Variants in PPM1F observed in about 807,000 individuals in gnomAD.
PPM1F encodes the protein protein phosphatase, Mg2+/Mn2+ dependent 1F, also known as protein phosphatase 1F.
Under a neutral mutation model 35.5 loss-of-function variants are expected in PPM1F, and 17 were observed. The observed-to-expected ratio is 0.48, with a 90% confidence interval of 0.33 to 0.72. The LOEUF is 0.72. PPM1F is among the 30% of genes least tolerant of loss of function. PPM1F has a pLI of 0.02. For missense variants in PPM1F, 521 were observed against 613.0 expected (o/e 0.85, Z 1.59); for synonymous variants, 241 against 255.5 (o/e 0.94, Z 0.54).
intron 6 of PPM1F, among the ~76,000 whole-genome samples, chr22:21,927,369 CCT>C (rs757985689): frequency 8.5e-5 from 13 of 152,262 alleles, no homozygotes; most frequent in Non-Finnish European, 1.8e-4. Flanking sequence ...CGCCTCCTCC[CCT>C]GTGCCTCAGA....
In PPM1F at chr22:21,923,484, A is replaced by T; in HGVS notation, c.986-13T>A. 2 of 1,588,104 alleles carry T rather than the reference A, an allele frequency of 1.3e-6. No homozygotes were observed. Among genetic ancestry groups the T allele is most frequent in the Non-Finnish European group, 1.7e-6 (2 of 1,162,784 alleles). ...TGGAAGACATCCCCTGGACAGGCGGAGAAGAGCCCGGGTCAGAGGACCACG... is the reference window on the plus strand; with the variant it reads ...TGGAAGACATCCCCTGGACAGGCGGTGAAGAGCCCGGGTCAGAGGACCACG... On this transcript the variant is annotated splice_polypyrimidine_tract_variant and intron_variant, in intron 7 of 7. Transcript: ENST00000263212.
At chr22:21,952,017 G>A (rs911970690) in intron 1 of PPM1F, 2 of 152,296 alleles carry the variant, frequency 1.3e-5, no homozygotes, top group Non-Finnish European at 2.9e-5. Context: ...ACTTGTCCCG[G>A]GGAATGCCAC....
At chr22:21,942,114 G>A (rs1321565656) in intron 2 of PPM1F, 3 of 152,348 alleles carry the variant, frequency 2.0e-5, no homozygotes, top group Non-Finnish European at 4.4e-5. Flanking sequence ...CATGCCTGGG[G>A]TGGCGAGGTG....
rs1309345235 is a variant in PPM1F at position 21,946,078 on chromosome 22, G to T, written c.-30C>A. On this transcript the variant is annotated 5_prime_UTR_variant, in exon 2 of 8. Transcript: ENST00000263212. ...AAAGCATCCCGGGGGCCTGCAGCTA[G>T]GCCAGGGCAAGAGGGTCTCCAGGCT... The T allele has an allele frequency of 6.7e-7, 1 of 1,489,246 alleles. No individual in the cohort carries two copies. Among genetic ancestry groups the T allele is most frequent in the Admixed American group, 2.3e-5 (1 of 43,038 alleles). 92.3% of individuals were successfully genotyped at this position (1,489,246 alleles called of 1,614,324 possible).
intron 3 of PPM1F, chr22:21,938,250 G>GCCC: frequency 7.7e-7 from 1 of 1,299,886 alleles, no homozygotes; most frequent in Non-Finnish European, 1.0e-6. Flanking sequence ...GACCCATCAG[G>GCCC]CGGGGAGGGC....
intron 1 of PPM1F, chr22:21,948,641 GC>G (rs1473398110): frequency 6.6e-6 from 1 of 152,322 alleles, no homozygotes; most frequent in Non-Finnish European, 1.5e-5. Context: ...ACGATGCAGA[GC>G]TGCCCCCAGC....
chr22:21,924,572 C>CTTT (rs767735875), intron 7 of PPM1F, among the ~76,000 whole-genome samples: 1 of 116,738 alleles, frequency 8.6e-6, no homozygotes, highest in South Asian at 2.9e-4. Context: ...CGCCCAGCTA[C>CTTT]TTTTTTTTTT....
chr22:21,938,699 C>T lies in PPM1F; in HGVS notation c.355+833G>A, dbSNP rs772900187. ...GGCCTGTCCAGGGACAACTATTCAG[C>T]TGGGTGGGACGTTGCTACCCCCTTG... On this transcript the variant is annotated intron_variant, in intron 3 of 7. Transcript: ENST00000263212. The T allele has an allele frequency of 1.7e-5, 12 of 721,306 alleles. 1 individual carries two copies. The highest frequency in any genetic ancestry group is 2.0e-5 in the Non-Finnish European group (12 of 585,918). The allele number at this position is 721,306 out of a possible 1,614,324, so 44.7% of individuals were successfully genotyped here.
Position 21,945,910 on chromosome 22 carries a change from T to C in PPM1F, c.139A>G (p.Thr47Ala), listed in dbSNP as rs1303308142. ...TCCACCTCCTCCTGGCTGAGCACCG[T>C]CCCTGGGGCCTTCCATGGCAGAGGG... Reference protein sequence around the residue: ...EDPLPWKAPGTVLSQEEVEGE... With the variant: ...EDPLPWKAPGAVLSQEEVEGE... Residue 47 changes from threonine to alanine, a missense_variant, in exon 2 of 8, where the codon ACG becomes GCG. Around this residue, in one of 3 missense-constraint regions of PPM1F, gnomAD observed 311 missense variants for 351.5 expected, o/e 0.88. Transcript: ENST00000263212. The C allele has an allele frequency of 1.2e-6, 2 of 1,612,954 alleles. No individual in the cohort carries two copies. The highest frequency in any genetic ancestry group is 3.3e-5 in the Admixed American group (2 of 59,912).
intron 4 of PPM1F, 47 bp from the exon 5 acceptor site, chr22:21,933,626 C>T: frequency 6.4e-7 from 1 of 1,556,490 alleles, no homozygotes; most frequent in South Asian, 1.1e-5. Context: ...ACCCAGGGTG[C>T]TCCCAGTGGG....
chr22:21,930,045 A>G (rs2070570361), intron 6 of PPM1F, among the ~76,000 whole-genome samples: 1 of 152,224 alleles, frequency 6.6e-6, no homozygotes, highest in Non-Finnish European at 1.5e-5. Flanking sequence ...GAACCTATAA[A>G]CTGATAAGAA....
chr22:21,927,136 G>T (rs1411463938), intron 6 of PPM1F, among the ~76,000 whole-genome samples: 1 of 152,192 alleles, frequency 6.6e-6, no homozygotes, highest in Admixed American at 6.5e-5. Context: ...GGCTCTCTCT[G>T]GGTCTAAGAT....
At position 21,923,152 on chromosome 22, in the gene PPM1F, C is replaced by T. The variant is rs747828898; in HGVS notation, c.1305G>A (p.Arg435=). ...GAAGGCTGGAGGGCAAGTCCTGCCTCCTCCCTTCTGCCTGGGGGTCCCCTT... is the reference window on the plus strand; with the variant it reads ...GAAGGCTGGAGGGCAAGTCCTGCCTTCTCCCTTCTGCCTGGGGGTCCCCTT... The part of the protein sequence containing the change: ...QGEGDPQAEG[R]RQDLPSSLPE... Residue 435 remains arginine (R), a synonymous_variant, in exon 8 of 8, where the codon AGG becomes AGA. Coordinates refer to ENST00000263212, the MANE Select transcript of PPM1F (RefSeq NM_014634.4). 1 of 1,613,664 alleles carries T rather than the reference C, an allele frequency of 6.2e-7. No individual in the cohort carries two copies. Among genetic ancestry groups the T allele is most frequent in the South Asian group, 1.1e-5 (1 of 91,066 alleles).
chr22:21,948,836 G>A (rs2070805864), intron 1 of PPM1F: 1 of 152,316 alleles, frequency 6.6e-6, no homozygotes, highest in African/African-American at 2.4e-5. Flanking sequence ...ACAGTGTAAA[G>A]CCCCACTGTC....
intron 7 of PPM1F, among the ~76,000 whole-genome samples, chr22:21,924,224 G>T (rs948989578): frequency 6.6e-6 from 1 of 151,996 alleles, no homozygotes. Context: ...CCTGAGACCC[G>T]GCACTGACCG....
In PPM1F at chr22:21,925,587, C is replaced by T; in HGVS notation, c.967G>A (p.Ala323Thr). 1.9e-6 allele frequency: 3 copies of T among 1,613,714 alleles called. No homozygotes were observed. The highest frequency in any genetic ancestry group is 2.5e-6 in the Non-Finnish European group (3 of 1,179,752). The change falls in exon 7 of 8, where the codon GCC becomes ACC. Residue 323 changes from alanine (A) to threonine (T), a missense_variant. Ala to Thr is a moderately conservative substitution (Grantham distance 58). This residue lies in a region of PPM1F where 47 missense variants were observed against 92.0 expected (regional missense o/e 0.51). Coordinates refer to ENST00000263212, the MANE Select transcript of PPM1F (RefSeq NM_014634.4). ...CTCTCACCGATGGCTCTGGAGACGG[C>T]CAGGGTCCCGTTGACTCTCCAGCAG... Reference protein sequence around the residue: ...MDCWRVNGTLAVSRAIGDVFQ... With the variant: ...MDCWRVNGTLTVSRAIGDVFQ...
intron 5 of PPM1F, among the ~76,000 whole-genome samples, chr22:21,931,721 T>C (rs576494162): frequency 6.6e-6 from 1 of 152,150 alleles, no homozygotes; most frequent in East Asian, 1.9e-4. Context: ...GCCATGTTTC[T>C]TTCCCAGGCT....
At chr22:21,923,551 A>T in intron 7 of PPM1F, 80 bp from the exon 8 acceptor site, 1 of 1,479,168 alleles carries the variant, frequency 6.8e-7, no homozygotes, top group Non-Finnish European at 9.1e-7. Context: ...CCTAGACCTC[A>T]CATCCTGCAG....
At chr22:21,930,543 C>T (rs1401476023) in intron 6 of PPM1F, among the ~76,000 whole-genome samples, 1 of 152,210 alleles carries the variant, frequency 6.6e-6, no homozygotes, top group East Asian at 1.9e-4. Flanking sequence ...AATTATCCAC[C>T]ATGTGCATGG....
Sources: allele counts gnomAD v4.1 joint callset (sites outside exome capture counted in the v4.1 genomes callset), GRCh38; gene constraint gnomAD v4.1.1; regional missense constraint gnomAD v4.1.1; transcripts MANE v1.5; gene names NCBI Gene and HGNC (gene_info 2026-07-23, HGNC 2026-07-21).